The following MOB1B variants were observed in gnomAD, a reference collection of about 807,000 sequenced individuals.
The protein encoded by MOB1B is MOB kinase activator 1B.
MOB1B carries 19 observed loss-of-function variants against 24.4 expected under a neutral mutation model. The observed-to-expected ratio is 0.78, with a 90% CI of 0.54 to 1.14. The LOEUF (loss-of-function observed/expected upper bound fraction) is 1.14, where lower values mean the gene tolerates loss of function less well. MOB1B is among the 50% of genes most tolerant of loss of function. The pLI is 0.00. For synonymous variants in MOB1B, 76 were observed against 82.1 expected (o/e 0.93, Z 0.40); for missense variants, 243 against 259.6 (o/e 0.94, Z 0.44).
rs796545620 is a variant in MOB1B at position 70,979,907 on chromosome 4, C to G, written c.573+616C>G. ...GCAGACTAAGAGCAGTGACAGTATT[C>G]TCACCATGCTCTAATAATAAGAGAA... On this transcript the variant is annotated intron_variant, in intron 5 of 5. Transcript: ENST00000309395. Among the ~76,000 whole-genome samples the G allele has an allele frequency of 2.4e-4, 36 of 152,170 alleles. 1 individual carries two copies. Among genetic ancestry groups the G allele is most frequent in the African/African-American group, 8.7e-4 (36 of 41,512 alleles).
In MOB1B at chr4:70,944,262, T is replaced by A. The variant is rs1162009163; in HGVS notation, c.15-14612T>A. On this transcript the variant is annotated intron_variant, in intron 1 of 5. Coordinates refer to ENST00000309395, the MANE Select transcript of MOB1B (RefSeq NM_173468.4). ...GCTGGCCAGGCTGGTCTCAAACTCC[T>A]GACCTCAGGTGATCCTCGCGCCTTG... Among the ~76,000 whole-genome samples, 5 of 152,240 alleles carry A rather than the reference T, an allele frequency of 3.3e-5. No individual in the cohort carries two copies. The East Asian group carries it at 9.6e-4, about 29-fold the overall frequency.
intron 3 of MOB1B, among the ~76,000 whole-genome samples, chr4:70,973,069 G>A (rs949084259): frequency 1.3e-5 from 2 of 151,902 alleles, no homozygotes; most frequent in African/African-American, 2.4e-5. Context: ...CACCACGCCC[G>A]GCCTAATTAT....
chr4:70,940,348 A>C (rs2148884463), intron 1 of MOB1B, among the ~76,000 whole-genome samples: 1 of 152,118 alleles, frequency 6.6e-6, no homozygotes, highest in East Asian at 1.9e-4. Context: ...CTATACCACT[A>C]GGAGGTGGAG....
intron 2 of MOB1B, 122 bp downstream of exon 2, chr4:70,959,162 T>C (rs1169257973): frequency 4.1e-6 from 3 of 723,420 alleles, no homozygotes; most frequent in South Asian, 2.1e-5. Context: ...AAGAGTGATA[T>C]CTCAATCTAA....
chr4:70,922,639 T>A (rs1736485007), intron 1 of MOB1B, among the ~76,000 whole-genome samples: 1 of 152,188 alleles, frequency 6.6e-6, no homozygotes, highest in African/African-American at 2.4e-5. Context: ...AAGACAAACA[T>A]AAAATTCAGA....
At chr4:70,923,263 A>G (rs1259914531) in intron 1 of MOB1B, among the ~76,000 whole-genome samples, 1 of 152,160 alleles carries the variant, frequency 6.6e-6, no homozygotes, top group East Asian at 1.9e-4. Context: ...CTGCAAGAGC[A>G]TCCTCTTTGG....
At chr4:70,921,331 TG>T (rs1196724673) in intron 1 of MOB1B, among the ~76,000 whole-genome samples, 1 of 152,152 alleles carries the variant, frequency 6.6e-6, no homozygotes, top group Non-Finnish European at 1.5e-5. Flanking sequence ...GCACTATCTA[TG>T]CAAAACAGTA....
intron 1 of MOB1B, among the ~76,000 whole-genome samples, chr4:70,912,145 C>A (rs1176496721): frequency 6.6e-6 from 1 of 152,154 alleles, no homozygotes; most frequent in African/African-American, 2.4e-5. Flanking sequence ...GATCTACCTA[C>A]CTCAGCCTCC....
intron 1 of MOB1B, among the ~76,000 whole-genome samples, chr4:70,908,068 C>G (rs1279467566): frequency 6.6e-6 from 1 of 151,216 alleles, no homozygotes; most frequent in Non-Finnish European, 1.5e-5. Context: ...CTTTTTCGCC[C>G]AGGCTGGAGT....
intron 1 of MOB1B, among the ~76,000 whole-genome samples, chr4:70,916,933 G>C (rs1036109995): frequency 6.6e-6 from 1 of 152,202 alleles, no homozygotes; most frequent in Non-Finnish European, 1.5e-5. Context: ...AGCAGCAGCT[G>C]TTCACATACT....
At chr4:70,955,106 A>G (rs924892796) in intron 1 of MOB1B, among the ~76,000 whole-genome samples, 3 of 152,102 alleles carry the variant, frequency 2.0e-5, no homozygotes, top group Admixed American at 6.6e-5. Flanking sequence ...TTTTTCTACC[A>G]AAGTATAAAG....
intron 1 of MOB1B, among the ~76,000 whole-genome samples, chr4:70,934,748 A>C (rs1216704267): frequency 2.0e-5 from 3 of 151,684 alleles, no homozygotes; most frequent in South Asian, 2.1e-4. Context: ...GAGCCACCCC[A>C]CCCAGCCTGG....
At position 70,960,765 on chromosome 4, in the gene MOB1B, A is replaced by G. The variant is rs188043042; in HGVS notation, c.181+1725A>G. On this transcript the variant is annotated intron_variant, in intron 2 of 5. Transcript: ENST00000309395. ...CTGTGTCATCTCCAAGACAATATTC[A>G]GAATGAATCTCCAATATATGTGTAC... 1.0e-3 allele frequency among the ~76,000 whole-genome samples: 158 copies of G among 152,382 alleles called. 1 individual carries two copies. The highest frequency in any genetic ancestry group is 1.8e-3 in the Non-Finnish European group (123 of 68,042).
chr4:70,917,810 G>A (rs1736253457), intron 1 of MOB1B, among the ~76,000 whole-genome samples: 1 of 152,114 alleles, frequency 6.6e-6, no homozygotes, highest in Non-Finnish European at 1.5e-5. Flanking sequence ...TGTATGTGAA[G>A]CTTTAATTAT....
chr4:70,951,611 A>AT (rs1737807590), intron 1 of MOB1B, among the ~76,000 whole-genome samples: 1 of 152,254 alleles, frequency 6.6e-6, no homozygotes, highest in South Asian at 2.1e-4. Context: ...TCAGCATTCC[A>AT]TAGTGGCTGA....
chr4:70,913,181 TGCATTTGAGTTAC>T (rs1736064265), intron 1 of MOB1B, among the ~76,000 whole-genome samples: 1 of 152,224 alleles, frequency 6.6e-6, no homozygotes, highest in African/African-American at 2.4e-5. Context: ...TGTTTCCTTG[TGCATTTGAGTTAC>T]GCATTTGAGG....
intron 1 of MOB1B, among the ~76,000 whole-genome samples, chr4:70,912,135 G>C (rs551917513): frequency 6.6e-6 from 1 of 152,126 alleles, no homozygotes; most frequent in South Asian, 2.1e-4. Flanking sequence ...GGTCTCAAGT[G>C]ATCTACCTAC....
chr4:70,971,899 C>T (rs889016375), intron 3 of MOB1B, among the ~76,000 whole-genome samples: 2 of 151,856 alleles, frequency 1.3e-5, no homozygotes, highest in African/African-American at 4.8e-5. Context: ...CTCTCTTTCT[C>T]TTCTTTCTTC....
At chr4:70,954,800 G>A (rs1382850116) in intron 1 of MOB1B, among the ~76,000 whole-genome samples, 3 of 150,600 alleles carry the variant, frequency 2.0e-5, no homozygotes, top group Non-Finnish European at 3.0e-5. Flanking sequence ...ACCCAGGCTG[G>A]AGTGCAGTGG....
Sources: allele counts gnomAD v4.1 joint callset (sites outside exome capture counted in the v4.1 genomes callset), GRCh38; gene constraint gnomAD v4.1.1; transcripts MANE v1.5; gene names NCBI Gene and HGNC (gene_info 2026-07-23, HGNC 2026-07-21).